The following ARSG variants were observed in gnomAD, a reference collection of about 807,000 sequenced individuals.
ARSG encodes arylsulfatase G.
Under a neutral mutation model 50.5 loss-of-function variants are expected in ARSG, and 37 were observed. The observed-to-expected ratio is 0.73, with a 90% CI of 0.56 to 0.96. The LOEUF (loss-of-function observed/expected upper bound fraction) is 0.96. Among genes scored for constraint, ARSG ranks in the 50% least tolerant of loss-of-function variants. The pLI is 0.00. For synonymous variants in ARSG, 225 were observed against 254.6 expected, an observed-to-expected ratio of 0.88 and a Z score of 1.11; for missense variants, 629 against 675.3, an observed-to-expected ratio of 0.93 and a Z score of 0.76.
chr17:68,337,257 G>A (rs1195902700), intron 2 of ARSG, among the ~76,000 whole-genome samples: 4 of 152,202 alleles, frequency 2.6e-5, no homozygotes, highest in African/African-American at 7.2e-5. Context: ...GGGAGCGAAG[G>A]TGGTCCCCAC....
intron 4 of ARSG, among the ~76,000 whole-genome samples, chr17:68,349,429 T>TAAA (rs2078655211): frequency 6.6e-6 from 1 of 152,180 alleles, no homozygotes; most frequent in Non-Finnish European, 1.5e-5. Context: ...AAACCTAAAA[T>TAAA]GTTTACTATT....
At chr17:68,322,954 A>C (rs111755598) in intron 2 of ARSG, among the ~76,000 whole-genome samples, 10,624 of 152,104 alleles carry the variant, frequency 0.07, 464 homozygotes, top group Middle Eastern at 0.12. Flanking sequence ...CTGTATTCTC[A>C]CAAGGAGAAT....
chr17:68,390,774 C>T (rs1441288067), intron 9 of ARSG, among the ~76,000 whole-genome samples: 1 of 152,108 alleles, frequency 6.6e-6, no homozygotes, highest in Non-Finnish European at 1.5e-5. Context: ...CAGGTGCCTG[C>T]CACCATGCCT....
chr17:68,326,168 A>C (rs1240906628), intron 2 of ARSG, among the ~76,000 whole-genome samples: 1 of 152,198 alleles, frequency 6.6e-6, no homozygotes, highest in Non-Finnish European at 1.5e-5. Context: ...AACAAGATAA[A>C]GTCAGATATG....
chr17:68,417,733 ATTTTTTTTTTTTTTTTTTTT>A (rs770292731), intron 11 of ARSG, among the ~76,000 whole-genome samples: 3 of 60,834 alleles, frequency 4.9e-5, no homozygotes, highest in Non-Finnish European at 8.7e-5. Context: ...GAGTTGCTGA[ATTTTTTTTTTTTTTTTTTTT>A]TTTTTTTTTT....
At chr17:68,272,985 C>CTTT (rs879965781) in intron 1 of ARSG, among the ~76,000 whole-genome samples, 1 of 144,676 alleles carries the variant, frequency 6.9e-6, no homozygotes, top group Non-Finnish European at 1.5e-5. Context: ...AAAAATATAA[C>CTTT]TTTTTTTTTT....
chr17:68,356,797 C>CG lies in ARSG; in HGVS notation c.698dup (p.Ala234CysfsTer55). ...TGAGAAAGCAACCCAGTTCATCCAG[C>CG]GTGCAAGGTGAGGAGTCTCCCTCCC... is the stretch of plus-strand genomic sequence containing the variant. On this transcript the variant is annotated frameshift_variant, in exon 6 of 12. Transcript: ENST00000621439. LOFTEE classifies it high-confidence loss of function. The CG allele has an allele frequency of 6.2e-7, 1 of 1,614,146 alleles. No homozygotes were observed.
At position 68,274,083 on chromosome 17, in the gene ARSG, A is replaced by G. The variant is rs77140798; in HGVS notation, c.-552+14657A>G. 3.0e-3 allele frequency: 4,754 copies of G among 1,609,074 alleles called. 108 individuals carry two copies. The African/African-American group carries it at 0.054, about 18-fold the overall frequency. On this transcript the variant is annotated intron_variant, in intron 1 of 11. Coordinates refer to the ARSG transcript ENST00000448504. ...GTGGCGAGGGGAGCTGCCGGGAAAG[A>G]ACAAAACGATATTTTAACTCACAGA...
chr17:68,303,130 G>C (rs935958848), intron 1 of ARSG, among the ~76,000 whole-genome samples: 1 of 152,078 alleles, frequency 6.6e-6, no homozygotes, highest in Non-Finnish European at 1.5e-5. Flanking sequence ...TATGTTTGGA[G>C]GTATTGTTTT....
upstream of ARSG, among the ~76,000 whole-genome samples, chr17:68,288,158 G>C (rs1322239099): frequency 6.6e-6 from 1 of 150,382 alleles, no homozygotes; most frequent in Non-Finnish European, 1.5e-5. Context: ...CACCACGCCC[G>C]GCTGATTTTT....
At chr17:68,283,472 G>C (rs1188452120) in intron 1 of ARSG, among the ~76,000 whole-genome samples, 13 of 148,990 alleles carry the variant, frequency 8.7e-5, no homozygotes, top group African/African-American at 2.7e-4. Context: ...ATTGAGCCGA[G>C]ATCGCGCCAC....
chr17:68,346,494 A>G (rs952492064), intron 3 of ARSG, among the ~76,000 whole-genome samples: 1 of 151,768 alleles, frequency 6.6e-6, no homozygotes, highest in Non-Finnish European at 1.5e-5. Flanking sequence ...CCTGGGGTCT[A>G]CTCCTCAGAG....
the ARSG span, chr17:68,450,661 A>ACG: frequency 2.6e-6 from 4 of 1,528,642 alleles, no homozygotes; most frequent in Non-Finnish European, 2.6e-6. Flanking sequence ...ATCTTGAAAG[A>ACG]TGTCCATCTT....
At chr17:68,405,678 C>A (rs150882053) in intron 11 of ARSG, among the ~76,000 whole-genome samples, 1 of 151,832 alleles carries the variant, frequency 6.6e-6, no homozygotes, top group South Asian at 2.1e-4. Context: ...TTTTTCTTGC[C>A]GAATTGCTCT....
intron 1 of ARSG, among the ~76,000 whole-genome samples, chr17:68,283,501 A>G (rs2075764393): frequency 6.8e-6 from 1 of 146,596 alleles, no homozygotes. Context: ...AGCCTGGGCG[A>G]CAGAGTGAGA....
downstream of ARSG, chr17:68,426,254 G>GGGGGCCCCCCCCCCCC: frequency 1.2e-6 from 1 of 816,922 alleles, no homozygotes; most frequent in Non-Finnish European, 1.9e-6. Context: ...GGGAGCGGGG[G>GGGGGCCCCCCCCCCCC]CTCAAATAAA....
Position 68,381,428 on chromosome 17 carries a change from A to G in ARSG, c.983-3636A>G, listed in dbSNP as rs1252400629. ...GGCCATAAGACACGCATTTCTCGACAGAAAGCCGAAGGCAACTAACAGTTT... is the reference window on the plus strand; with the variant it reads ...GGCCATAAGACACGCATTTCTCGACGGAAAGCCGAAGGCAACTAACAGTTT... On this transcript the variant is annotated intron_variant, in intron 8 of 11. Transcript: ENST00000621439. This position sits in a 1 kb window ranked among gnomAD's most constrained non-coding sequence, Gnocchi z 4.1. Among the ~76,000 whole-genome samples, 1 of 152,254 alleles carries G rather than the reference A, an allele frequency of 6.6e-6. No homozygotes were observed. The highest frequency in any genetic ancestry group is 6.5e-5 in the Admixed American group (1 of 15,288).
At chr17:68,358,559 C>T (rs997289829) in intron 6 of ARSG, among the ~76,000 whole-genome samples, 4 of 151,724 alleles carry the variant, frequency 2.6e-5, no homozygotes, top group South Asian at 4.2e-4. Context: ...AGTGGTGGCA[C>T]CCATCTGTAG....
chr17:68,364,185 T>C (rs112201385), intron 6 of ARSG, among the ~76,000 whole-genome samples: 1 of 152,098 alleles, frequency 6.6e-6, no homozygotes, highest in African/African-American at 2.4e-5. Context: ...ATCCTCTTGC[T>C]CTCCTGGAAT....
Sources: allele counts gnomAD v4.1 joint callset (sites outside exome capture counted in the v4.1 genomes callset), GRCh38; gene constraint gnomAD v4.1.1; non-coding constraint Gnocchi (gnomAD v3.1); transcripts MANE v1.5; gene names NCBI Gene and HGNC (gene_info 2026-07-23, HGNC 2026-07-21).